SLC22A25: variants seen among roughly 807,000 people sequenced by gnomAD.
The protein encoded by SLC22A25 is solute carrier family 22 member 25, also known as MGI:2442751, MGI:2385316, MGI:3042283, MGI:3645714, MGI:3605624, MGI:2442750.
A neutral mutation model predicts 45.9 loss-of-function variants in SLC22A25; 44 were observed. That is an observed-to-expected ratio of 0.96 (90% CI 0.75 to 1.23). The LOEUF is 1.23. Among genes scored for constraint, SLC22A25 ranks in the 50% most tolerant of loss-of-function variants. The pLI is 0.00. For missense variants in SLC22A25, 800 were observed against 666.4 expected, an observed-to-expected ratio of 1.20 and a Z score of -2.21; for synonymous variants, 283 against 238.6, an observed-to-expected ratio of 1.19 and a Z score of -1.72.
intron 5 of SLC22A25, among the ~76,000 whole-genome samples, chr11:63,221,313 G>A (rs188924631): frequency 9.7e-4 from 147 of 152,224 alleles, no homozygotes; most frequent in Non-Finnish European, 1.5e-3. Context: ...TTGGATACAA[G>A]CGATTTTAAC....
At chr11:63,220,066 C>T (rs2089817792) in intron 5 of SLC22A25, 1 of 1,199,834 alleles carries the variant, frequency 8.3e-7, no homozygotes. Flanking sequence ...GTACCCCAAA[C>T]TTCTCATGTC....
At chr11:63,233,711 C>A (rs1359164976) in intron 3 of SLC22A25, among the ~76,000 whole-genome samples, 1 of 152,096 alleles carries the variant, frequency 6.6e-6, no homozygotes, top group African/African-American at 2.4e-5. Context: ...TTCTCTAGTT[C>A]TTTTAATTGT....
rs1039496041 is a variant in SLC22A25 at position 63,220,023 on chromosome 11, T to C, written c.507-2288A>G. ...TGGTTGGGCGATGATAATGGTTTCC[T>C]GCCATTTCAGAAGACATACGGTAAG... On this transcript the variant is annotated intron_variant, in intron 5 of 11. Transcript: ENST00000306494. 11 of 1,288,910 alleles carry C rather than the reference T, an allele frequency of 8.5e-6. No homozygotes were observed. The Admixed American group carries it at 1.4e-4, about 16-fold the overall frequency. 79.8% of individuals were successfully genotyped at this position (1,288,910 alleles called of 1,614,324 possible). A position where few individuals can be genotyped will look rare whatever the true frequency, so the allele number is the denominator to read the frequency against.
Position 63,166,151 on chromosome 11 carries a change from T to A in SLC22A25, c.1178A>T (p.Asn393Ile), listed in dbSNP as rs374865282. 5.6e-6 allele frequency: 9 copies of A among 1,613,856 alleles called. No individual in the cohort carries two copies. The highest frequency in any genetic ancestry group is 7.6e-6 in the Non-Finnish European group (9 of 1,179,972). ...TLFGAVTLLA[N>I]CVAPWALNHM... ...ATTCAGTGCCCAAGGTGCAACACAA[T>A]TGGCCAGGAGGGTGACTGCACCAAA... Residue 393 changes from asparagine (N) to isoleucine (I), a missense_variant, in exon 10 of 12, where the codon AAT (asparagine) becomes ATT (isoleucine). Transcript: ENST00000306494.
chr11:63,210,610 ATT>A (rs750087397), intron 7 of SLC22A25, among the ~76,000 whole-genome samples: 7 of 152,114 alleles, frequency 4.6e-5, no homozygotes, highest in Non-Finnish European at 8.8e-5. Context: ...GGGGCTGAGA[ATT>A]TTGAGGACTG....
chr11:63,179,919 G>A (rs935121522), intron 9 of SLC22A25, among the ~76,000 whole-genome samples: 1 of 152,166 alleles, frequency 6.6e-6, no homozygotes, highest in African/African-American at 2.4e-5. Flanking sequence ...CTCACACAGT[G>A]TGTCCAAAGG....
intron 3 of SLC22A25, among the ~76,000 whole-genome samples, chr11:63,232,567 T>C (rs1015631807): frequency 1.3e-5 from 2 of 152,212 alleles, no homozygotes; most frequent in Non-Finnish European, 2.9e-5. Flanking sequence ...TATACAATCA[T>C]GTCATCTGCA....
At chr11:63,226,911 CT>C (rs1565122085) in intron 5 of SLC22A25, among the ~76,000 whole-genome samples, 1 of 152,222 alleles carries the variant, frequency 6.6e-6, no homozygotes, top group Non-Finnish European at 1.5e-5. Context: ...AGGAATCTGT[CT>C]GTGTGTCCAA....
chr11:63,237,026 T>C (rs983616927), intron 3 of SLC22A25, among the ~76,000 whole-genome samples: 10 of 152,236 alleles, frequency 6.6e-5, no homozygotes, highest in African/African-American at 2.4e-4. Flanking sequence ...GGTTTCAATG[T>C]CTGTTCCTAA....
chr11:63,227,669 C>A (rs576014809), intron 5 of SLC22A25, among the ~76,000 whole-genome samples: 2 of 152,162 alleles, frequency 1.3e-5, no homozygotes, highest in African/African-American at 4.8e-5. Context: ...CTCATTAGAT[C>A]CTGTGCTCCC....
At chr11:63,243,213 C>T in intron 1 of SLC22A25, 1 of 285,176 alleles carries the variant, frequency 3.5e-6, no homozygotes, top group Non-Finnish European at 6.9e-6. Flanking sequence ...AATGCTCCTA[C>T]TTCAAGTGTG....
At position 63,187,360 on chromosome 11, in the gene SLC22A25, G is replaced by T. The variant is rs552430266; in HGVS notation, c.831-3543C>A. On this transcript the variant is annotated intron_variant, in intron 7 of 11. Coordinates refer to ENST00000306494, the MANE Select transcript of SLC22A25 (RefSeq NM_199352.6). ...GGCTCTCTGTTTGTCTGTTATTGGT[G>T]TATAAGAATGCTTGTGATTTTTGTG... Among the ~76,000 whole-genome samples, 295 of 152,252 alleles carry T rather than the reference G, an allele frequency of 1.9e-3. 3 individuals carry two copies. In the Middle Eastern group the frequency reaches 0.024, roughly 12 times the overall value.
chr11:63,220,986 A>G (rs2089840098), intron 5 of SLC22A25, among the ~76,000 whole-genome samples: 1 of 152,096 alleles, frequency 6.6e-6, no homozygotes, highest in African/African-American at 2.4e-5. Context: ...ATAATACTCT[A>G]CTTTGTATAT....
intron 3 of SLC22A25, among the ~76,000 whole-genome samples, chr11:63,234,583 CTT>C (rs1018101279): frequency 4.6e-5 from 7 of 152,180 alleles, no homozygotes; most frequent in Non-Finnish European, 8.8e-5. Flanking sequence ...GGTCTTGACT[CTT>C]TATCCAATTT....
Position 63,231,580 on chromosome 11 carries a change from G to T in SLC22A25, c.-444-1484C>A, listed in dbSNP as rs534335434. ...TCAGATGAGTAGATTGCAAAATTTTGCTCCCATTCTGTAGGTTGCCTGTTC... is the reference window on the plus strand; with the variant it reads ...TCAGATGAGTAGATTGCAAAATTTTTCTCCCATTCTGTAGGTTGCCTGTTC... On this transcript the variant is annotated intron_variant, in intron 3 of 11. Coordinates refer to ENST00000306494, the MANE Select transcript of SLC22A25 (RefSeq NM_199352.6). 5.1e-3 allele frequency among the ~76,000 whole-genome samples: 774 copies of T among 152,046 alleles called. 6 individuals are homozygous for T. Among genetic ancestry groups the T allele is most frequent in the African/African-American group, 0.016 (683 of 41,468 alleles).
At chr11:63,191,530 C>T (rs1473881666) in intron 7 of SLC22A25, among the ~76,000 whole-genome samples, 1 of 152,130 alleles carries the variant, frequency 6.6e-6, no homozygotes, top group East Asian at 1.9e-4. Flanking sequence ...TCAGCTCATG[C>T]TCAGTGCACT....
intron 8 of SLC22A25, among the ~76,000 whole-genome samples, chr11:63,181,870 G>A (rs1303067928): frequency 1.3e-5 from 2 of 152,048 alleles, no homozygotes; most frequent in African/African-American, 4.8e-5. Flanking sequence ...AGTTTTCTCA[G>A]TAGTACAAAT....
intron 9 of SLC22A25, chr11:63,167,377 G>T (rs1047179178): frequency 1.3e-5 from 2 of 152,310 alleles, no homozygotes; most frequent in Admixed American, 6.5e-5. Flanking sequence ...CGCTCAGCAG[G>T]TCCCACTCCC....
intron 7 of SLC22A25, among the ~76,000 whole-genome samples, chr11:63,191,001 C>T (rs1014700898): frequency 6.6e-6 from 1 of 152,232 alleles, no homozygotes; most frequent in Non-Finnish European, 1.5e-5. Flanking sequence ...TTCAGGGACC[C>T]ACTTGAGGAG....
Sources: gnomAD v4.1 joint callset for allele counts (sites outside exome capture counted in the v4.1 genomes callset) on GRCh38, gnomAD v4.1.1 for gene constraint, MANE v1.5 for transcripts, NCBI Gene and HGNC (gene_info 2026-07-23, HGNC 2026-07-21) for gene names.